The following CDH2 variants were observed in gnomAD, a reference collection of about 807,000 sequenced individuals.
CDH2 encodes cadherin 2.
A neutral mutation model predicts 92.0 loss-of-function variants in CDH2; 17 were observed. The ratio of observed to expected loss-of-function variants is 0.18; its 90% CI spans 0.13 to 0.28. The LOEUF (loss-of-function observed/expected upper bound fraction) is 0.28. Among genes scored for constraint, CDH2 ranks in the 10% least tolerant of loss-of-function variants. CDH2 has a pLI of 1.00. For synonymous variants in CDH2, 419 were observed against 415.9 expected, an observed-to-expected ratio of 1.01 and a Z score of -0.09; for missense variants, 862 against 1,133.1, an observed-to-expected ratio of 0.76 and a Z score of 3.44.
intron 6 of CDH2, among the ~76,000 whole-genome samples, 174 bp from the exon 7 acceptor site, chr18:28,003,343 A>C (rs1315842205): frequency 6.6e-6 from 1 of 152,232 alleles, no homozygotes; most frequent in Non-Finnish European, 1.5e-5. Context: ...TATTTCAAAA[A>C]AGATAAAACC....
intron 2 of CDH2, among the ~76,000 whole-genome samples, chr18:28,023,878 G>A (rs968787050): frequency 6.6e-6 from 1 of 152,054 alleles, no homozygotes; most frequent in Non-Finnish European, 1.5e-5. Context: ...TGCTAACACG[G>A]CTCCTTTTCT....
At chr18:27,967,469 G>A (rs1041686972) in intron 14 of CDH2, among the ~76,000 whole-genome samples, 3 of 152,118 alleles carry the variant, frequency 2.0e-5, no homozygotes, top group Admixed American at 2.0e-4. Flanking sequence ...CAACGTCATT[G>A]GGTTCATGGC....
At position 27,983,214 on chromosome 18, in the gene CDH2, A is replaced by G. The variant is rs1254207613; in HGVS notation, c.2210-131T>C. On this transcript the variant is annotated intron_variant, in intron 13 of 15. Coordinates refer to ENST00000269141, the MANE Select transcript of CDH2 (RefSeq NM_001792.5). The stretch of plus-strand genomic sequence containing the variant: ...CCTGAAATGCGTCTTTCACTCTACT[A>G]TCTATTTCTGGCCTCACATTAAGAG... 6.5e-6 allele frequency: 4 copies of G among 615,070 alleles called. No homozygotes were observed. In the South Asian group the frequency reaches 8.0e-5, roughly 12 times the overall value. The allele number at this position is 615,070 out of a possible 1,614,324, so 38.1% of individuals were successfully genotyped here. A position where few individuals can be genotyped will look rare whatever the true frequency, so the allele number is the denominator to read the frequency against.
At chr18:28,009,046 G>A (rs1195148715) in intron 5 of CDH2, among the ~76,000 whole-genome samples, 2 of 152,138 alleles carry the variant, frequency 1.3e-5, no homozygotes, top group African/African-American at 4.8e-5. Flanking sequence ...GGGGAACTGG[G>A]GAGATTGGTA....
chr18:28,128,727 A>T (rs925923218), intron 2 of CDH2, among the ~76,000 whole-genome samples: 1 of 152,014 alleles, frequency 6.6e-6, no homozygotes, highest in African/African-American at 2.4e-5. Flanking sequence ...GTAATACCTA[A>T]AGTTTTGTTT....
intron 1 of CDH2, among the ~76,000 whole-genome samples, chr18:28,161,969 G>C (rs941535528): frequency 2.0e-5 from 3 of 152,198 alleles, no homozygotes; most frequent in Admixed American, 1.3e-4. Flanking sequence ...TGGGAGCACT[G>C]TCAAAGATGG....
intron 2 of CDH2, among the ~76,000 whole-genome samples, chr18:28,071,459 G>A (rs943495766): frequency 1.2e-4 from 18 of 152,126 alleles, no homozygotes; most frequent in East Asian, 1.9e-4. Flanking sequence ...CATTCTGTCC[G>A]TAACTGTCAC....
At chr18:28,107,539 A>G (rs2015342099) in intron 2 of CDH2, among the ~76,000 whole-genome samples, 1 of 152,196 alleles carries the variant, frequency 6.6e-6, no homozygotes, top group African/African-American at 2.4e-5. Context: ...GGAGTATAAT[A>G]TGTATGCCAT....
chr18:28,052,596 C>T (rs375236912), intron 2 of CDH2, among the ~76,000 whole-genome samples: 5 of 152,120 alleles, frequency 3.3e-5, no homozygotes, highest in East Asian at 3.9e-4. Flanking sequence ...TACATGGGTA[C>T]GTGCATCACA....
intron 2 of CDH2, among the ~76,000 whole-genome samples, chr18:28,066,043 G>A (rs1394539562): frequency 6.6e-6 from 1 of 152,120 alleles, no homozygotes; most frequent in African/African-American, 2.4e-5. Context: ...CCCTATTTGT[G>A]CATCAAATAT....
chr18:28,004,833 T>C (rs572105506), intron 6 of CDH2, among the ~76,000 whole-genome samples: 94 of 152,250 alleles, frequency 6.2e-4, no homozygotes, highest in African/African-American at 2.2e-3. Context: ...TCCCTCCAGC[T>C]GCCCCCACCC....
intron 2 of CDH2, among the ~76,000 whole-genome samples, chr18:28,079,232 T>C (rs1287467783): frequency 6.6e-6 from 1 of 152,220 alleles, no homozygotes; most frequent in African/African-American, 2.4e-5. Flanking sequence ...GTGTTTTTTC[T>C]CATCCTCCCT....
rs573082651 is a variant in CDH2, at chr18:28,138,903, TA to T, written c.172+8769del. Among the ~76,000 whole-genome samples the T allele has an allele frequency of 2.0e-3, 298 of 152,154 alleles. 5 individuals carry two copies. The highest frequency in any genetic ancestry group is 6.9e-3 in the African/African-American group (287 of 41,538). ...CACTCCAAAGATGGGGAAGACTTGG[TA>T]AGAGAGTGATCTCCTCCTCATTTGG... On this transcript the variant is annotated intron_variant, in intron 2 of 15. Transcript: ENST00000269141.
intron 2 of CDH2, among the ~76,000 whole-genome samples, chr18:28,073,845 T>C (rs2014666490): frequency 6.6e-6 from 1 of 152,170 alleles, no homozygotes; most frequent in African/African-American, 2.4e-5. Flanking sequence ...ACTAGCCTTA[T>C]CTGCAAAAAA....
chr18:28,130,022 C>T (rs1310120401), intron 2 of CDH2, among the ~76,000 whole-genome samples: 1 of 152,166 alleles, frequency 6.6e-6, no homozygotes, highest in Non-Finnish European at 1.5e-5. Flanking sequence ...ATGAACCTCT[C>T]TTGTCTTCCG....
chr18:27,979,031 TAAAA>T (rs1360861374), intron 14 of CDH2, among the ~76,000 whole-genome samples: 2 of 151,496 alleles, frequency 1.3e-5, no homozygotes, highest in Non-Finnish European at 2.9e-5. Flanking sequence ...TAAAAAATAA[TAAAA>T]AAACTTCTGT....
chr18:28,055,137 A>G (rs1346536218), intron 2 of CDH2, among the ~76,000 whole-genome samples: 1 of 152,204 alleles, frequency 6.6e-6, no homozygotes, highest in Non-Finnish European at 1.5e-5. Context: ...GGTGAAAGGC[A>G]AAAGACATGT....
intron 2 of CDH2, among the ~76,000 whole-genome samples, chr18:28,120,970 AC>A (rs1174731090): frequency 6.6e-6 from 1 of 152,130 alleles, no homozygotes; most frequent in African/African-American, 2.4e-5. Flanking sequence ...ACTCACAGGC[AC>A]TGTAAAAGCT....
intron 2 of CDH2, among the ~76,000 whole-genome samples, chr18:28,118,980 C>T (rs1168987838): frequency 6.6e-6 from 1 of 152,052 alleles, no homozygotes; most frequent in Non-Finnish European, 1.5e-5. Flanking sequence ...TGCTCCCTGA[C>T]ATGTCCTATA....
Sources: gnomAD v4.1 joint callset for allele counts (sites outside exome capture counted in the v4.1 genomes callset) on GRCh38, gnomAD v4.1.1 for gene constraint, MANE v1.5 for transcripts, NCBI Gene and HGNC (gene_info 2026-07-23, HGNC 2026-07-21) for gene names.